CNTN3: variants seen among roughly 807,000 people sequenced by gnomAD.
CNTN3 encodes the protein contactin-3.
A neutral mutation model predicts 119.1 loss-of-function variants in CNTN3; 60 were observed. That is an observed-to-expected ratio of 0.50 (90% CI 0.41 to 0.62). The LOEUF (loss-of-function observed/expected upper bound fraction) is 0.62, where lower values mean the gene tolerates loss of function less well. Ranked by LOEUF, CNTN3 falls within the 20% of genes least tolerant of loss-of-function variation. CNTN3 has a pLI of 0.00. For missense variants in CNTN3, 1,101 were observed against 1,242.4 expected (o/e 0.89, Z 1.71); for synonymous variants, 450 against 438.7 (o/e 1.03, Z -0.32).
At chr3:74,511,657 A>G (rs1037155302) in intron 2 of CNTN3, among the ~76,000 whole-genome samples, 1 of 152,118 alleles carries the variant, frequency 6.6e-6, no homozygotes, top group Non-Finnish European at 1.5e-5. Context: ...TGATGAAGTG[A>G]GACCCCTGTC....
rs554976641 is a variant in CNTN3, at chr3:74,391,557, C to CTTTTT, written c.455-20163_455-20159dup. On this transcript the variant is annotated intron_variant, in intron 5 of 22. Coordinates refer to ENST00000263665, the MANE Select transcript of CNTN3 (RefSeq NM_020872.3). ...TTAGTATTTTGTACTCCCATAGTTT[C>CTTTTT]TTTTTTTTTTTTTTTTTTTTTTTTG... Among the ~76,000 whole-genome samples the CTTTTT allele has an allele frequency of 1.3e-4, 11 of 87,032 alleles. 1 individual carries two copies. The highest frequency in any genetic ancestry group is 3.3e-4 in the African/African-American group (7 of 21,390). 57.1% of individuals were successfully genotyped at this position (87,032 alleles called of 152,430 possible).
At chr3:74,574,724 T>A (rs1311204445) in intron 1 of CNTN3, among the ~76,000 whole-genome samples, 2 of 152,172 alleles carry the variant, frequency 1.3e-5, no homozygotes, top group Non-Finnish European at 2.9e-5. Context: ...AACTTCAAGT[T>A]GCATTTTGGA....
intron 1 of CNTN3, among the ~76,000 whole-genome samples, chr3:74,612,291 A>G (rs890479790): frequency 1.3e-5 from 2 of 152,212 alleles, no homozygotes; most frequent in Admixed American, 6.5e-5. Flanking sequence ...ATAAAATTGA[A>G]CATAAATCAG....
intron 2 of CNTN3, among the ~76,000 whole-genome samples, chr3:74,502,806 C>T (rs1001609312): frequency 6.6e-6 from 1 of 152,088 alleles, no homozygotes. Flanking sequence ...CCTTCATTTC[C>T]ACCAGTCACA....
chr3:74,599,920 C>T (rs962137769), intron 1 of CNTN3, among the ~76,000 whole-genome samples: 1 of 151,932 alleles, frequency 6.6e-6, no homozygotes, highest in Admixed American at 6.6e-5. Context: ...GAAGAGAGAA[C>T]ATTATGTTGA....
chr3:74,587,868 G>C (rs1243429306), intron 1 of CNTN3, among the ~76,000 whole-genome samples: 4 of 151,964 alleles, frequency 2.6e-5, no homozygotes, highest in Non-Finnish European at 2.9e-5. Context: ...TCCCTGTCTT[G>C]TGCCAGTTTT....
chr3:74,586,002 C>G (rs535970070), intron 1 of CNTN3, among the ~76,000 whole-genome samples: 1 of 152,192 alleles, frequency 6.6e-6, no homozygotes, highest in East Asian at 1.9e-4. Flanking sequence ...AATACCAACC[C>G]ACTGGGATAA....
chr3:74,299,954 A>T lies in CNTN3; in HGVS notation c.2096-16T>A. On this transcript the variant is annotated splice_polypyrimidine_tract_variant and intron_variant, in intron 16 of 22. Coordinates refer to ENST00000263665, the MANE Select transcript of CNTN3 (RefSeq NM_020872.3). The stretch of plus-strand genomic sequence containing the variant: ...ACTTCTGGAACTATACAGGTCAGAG[A>T]AACAGAGATGAAATGGTACTTGCAT... The T allele has an allele frequency of 6.5e-7, 1 of 1,531,114 alleles. No individual in the cohort carries two copies. The highest frequency in any genetic ancestry group is 8.8e-7 in the Non-Finnish European group (1 of 1,130,496). 94.8% of individuals were successfully genotyped at this position (1,531,114 alleles called of 1,614,324 possible). A position where few individuals can be genotyped will look rare whatever the true frequency, so the allele number is the denominator to read the frequency against.
chr3:74,529,719 C>G (rs1404702800), intron 1 of CNTN3, among the ~76,000 whole-genome samples: 1 of 151,826 alleles, frequency 6.6e-6, no homozygotes, highest in African/African-American at 2.4e-5. Context: ...TGTGAAAAAT[C>G]TGTAAACAAT....
chr3:74,595,291 A>C (rs1704786090), intron 1 of CNTN3, among the ~76,000 whole-genome samples: 1 of 151,134 alleles, frequency 6.6e-6, no homozygotes, highest in African/African-American at 2.4e-5. Context: ...GAAGCTCTTT[A>C]GTTTAATTAG....
chr3:74,533,861 T>C (rs370634893), intron 1 of CNTN3, among the ~76,000 whole-genome samples: 4 of 151,998 alleles, frequency 2.6e-5, no homozygotes, highest in African/African-American at 9.7e-5. Context: ...ATGTTTTGGG[T>C]AGCCACTTGC....
At chr3:74,537,700 C>T (rs1482103501) in intron 1 of CNTN3, among the ~76,000 whole-genome samples, 1 of 152,084 alleles carries the variant, frequency 6.6e-6, no homozygotes, top group Non-Finnish European at 1.5e-5. Context: ...GAGCTGTTTT[C>T]CGAAAGCACA....
At chr3:74,599,729 C>T (rs1324741573) in intron 1 of CNTN3, among the ~76,000 whole-genome samples, 1 of 152,042 alleles carries the variant, frequency 6.6e-6, no homozygotes, top group Non-Finnish European at 1.5e-5. Context: ...GTGAAATGTT[C>T]ATATTGCATC....
intron 1 of CNTN3, among the ~76,000 whole-genome samples, chr3:74,612,085 G>T (rs1705093072): frequency 6.6e-6 from 1 of 152,138 alleles, no homozygotes; most frequent in African/African-American, 2.4e-5. Context: ...TACTATTTCA[G>T]CATGAACCAT....
chr3:74,394,696 T>C (rs1445654129), intron 5 of CNTN3, among the ~76,000 whole-genome samples: 1 of 152,128 alleles, frequency 6.6e-6, no homozygotes, highest in Non-Finnish European at 1.5e-5. Flanking sequence ...AAAAAGATGG[T>C]GTGAAACTAA....
chr3:74,540,329 A>C (rs2107146363), intron 1 of CNTN3, among the ~76,000 whole-genome samples: 1 of 152,252 alleles, frequency 6.6e-6, no homozygotes, highest in East Asian at 1.9e-4. Flanking sequence ...CATAGTGCTT[A>C]ACGGTTAATA....
chr3:74,315,991 T>C (rs1466780587), intron 13 of CNTN3, among the ~76,000 whole-genome samples: 3 of 152,148 alleles, frequency 2.0e-5, no homozygotes, highest in Non-Finnish European at 4.4e-5. Flanking sequence ...AATCAAAAAT[T>C]GACAAGTGGG....
chr3:74,343,693 C>G (rs1323650402), intron 11 of CNTN3, among the ~76,000 whole-genome samples: 1 of 152,184 alleles, frequency 6.6e-6, no homozygotes, highest in Non-Finnish European at 1.5e-5. Context: ...CTTGTCGTAT[C>G]CTAGCCATGG....
At chr3:74,534,735 A>G (rs1703739588) in intron 1 of CNTN3, among the ~76,000 whole-genome samples, 2 of 152,038 alleles carry the variant, frequency 1.3e-5, no homozygotes, top group African/African-American at 4.8e-5. Flanking sequence ...AATGTATAAG[A>G]GGCAGAATGA....
Sources: allele counts gnomAD v4.1 joint callset (sites outside exome capture counted in the v4.1 genomes callset), GRCh38; gene constraint gnomAD v4.1.1; transcripts MANE v1.5; gene names NCBI Gene and HGNC (gene_info 2026-07-23, HGNC 2026-07-21).